Variants in KLHL1 observed in about 807,000 individuals in gnomAD.
KLHL1 encodes the protein kelch like family member 1.
A neutral mutation model predicts 77.7 loss-of-function variants in KLHL1; 47 were observed. The ratio of observed to expected loss-of-function variants is 0.60; its 90% CI spans 0.48 to 0.77. The LOEUF is 0.77. KLHL1 is among the 30% of genes least tolerant of loss of function. The pLI, the probability that KLHL1 is intolerant of heterozygous loss-of-function variation, is 0.00. For synonymous variants in KLHL1, 360 were observed against 325.2 expected, an observed-to-expected ratio of 1.11 and a Z score of -1.15; for missense variants, 925 against 910.8, an observed-to-expected ratio of 1.02 and a Z score of -0.20.
chr13:69,733,053 G>GT (rs1485260731), intron 8 of KLHL1, among the ~76,000 whole-genome samples: 1 of 151,984 alleles, frequency 6.6e-6, no homozygotes, highest in Non-Finnish European at 1.5e-5. Flanking sequence ...TGGTTAACTA[G>GT]TAAGTTTTTT....
intron 7 of KLHL1, among the ~76,000 whole-genome samples, chr13:69,749,943 A>T (rs1057424209): frequency 6.6e-6 from 1 of 151,986 alleles, no homozygotes; most frequent in East Asian, 1.9e-4. Flanking sequence ...AATAATAACA[A>T]TGAAAAGCTA....
intron 1 of KLHL1, among the ~76,000 whole-genome samples, chr13:69,983,606 GAA>G (rs57184525): frequency 2.0e-5 from 2 of 99,044 alleles, no homozygotes; most frequent in Admixed American, 1.0e-4. Context: ...AAGAAGAAGA[GAA>G]AAAAAAAAAA....
At chr13:70,037,344 T>C (rs527434896) in intron 1 of KLHL1, among the ~76,000 whole-genome samples, 30 of 152,212 alleles carry the variant, frequency 2.0e-4, no homozygotes, top group African/African-American at 7.0e-4. Flanking sequence ...TATAAGCACG[T>C]TGAACATATA....
intron 5 of KLHL1, among the ~76,000 whole-genome samples, chr13:69,841,820 G>A (rs1170791192): frequency 4.0e-5 from 6 of 151,610 alleles, no homozygotes; most frequent in South Asian, 2.1e-4. Context: ...CAAGCAGCAC[G>A]GTATTTCTCT....
At chr13:69,872,068 T>C (rs1303973765) in intron 5 of KLHL1, among the ~76,000 whole-genome samples, 2 of 152,166 alleles carry the variant, frequency 1.3e-5, no homozygotes, top group Admixed American at 6.6e-5. Context: ...TGAGGCTAGA[T>C]AATTTATAAT....
At chr13:69,814,925 T>G (rs1171403507) in intron 6 of KLHL1, among the ~76,000 whole-genome samples, 1 of 151,836 alleles carries the variant, frequency 6.6e-6, no homozygotes, top group Non-Finnish European at 1.5e-5. Context: ...GCAGGAGAAT[T>G]GCTTGAACCC....
chr13:70,075,375 G>A (rs1302236253), intron 1 of KLHL1, among the ~76,000 whole-genome samples: 2 of 149,436 alleles, frequency 1.3e-5, no homozygotes, highest in African/African-American at 4.9e-5. Flanking sequence ...TGAAAAGGAA[G>A]CAATAAATCT....
intron 1 of KLHL1, among the ~76,000 whole-genome samples, chr13:70,005,315 A>G (rs925365005): frequency 5.9e-5 from 9 of 152,064 alleles, no homozygotes; most frequent in Non-Finnish European, 8.8e-5. Flanking sequence ...TAAGATTAAT[A>G]TATCCCTGCT....
chr13:69,812,563 CA>C (rs1266036698), intron 6 of KLHL1, among the ~76,000 whole-genome samples: 1 of 151,954 alleles, frequency 6.6e-6, no homozygotes, highest in Non-Finnish European at 1.5e-5. Context: ...AAAATGTTTG[CA>C]ATCTACTCAT....
intron 1 of KLHL1, among the ~76,000 whole-genome samples, chr13:70,001,947 A>G (rs1308327880): frequency 1.3e-5 from 2 of 151,646 alleles, no homozygotes; most frequent in East Asian, 1.9e-4. Context: ...CTGGCATTCT[A>G]CTGAGACCAG....
intron 2 of KLHL1, among the ~76,000 whole-genome samples, chr13:69,972,040 C>T (rs1185659403): frequency 6.6e-6 from 1 of 151,862 alleles, no homozygotes; most frequent in African/African-American, 2.4e-5. Flanking sequence ...AACTATCAAA[C>T]TGAGTGAGAG....
At chr13:70,047,889 C>G (rs942929205) in intron 1 of KLHL1, among the ~76,000 whole-genome samples, 4 of 152,130 alleles carry the variant, frequency 2.6e-5, no homozygotes, top group African/African-American at 9.7e-5. Context: ...AGTCTTGGTG[C>G]TTTTAGGTGC....
chr13:70,012,898 G>GTA (rs1369262784), intron 1 of KLHL1, among the ~76,000 whole-genome samples: 5 of 99,386 alleles, frequency 5.0e-5, no homozygotes, highest in South Asian at 6.7e-4. Flanking sequence ...GCAAGATTCT[G>GTA]TATAAAAAAA....
intron 5 of KLHL1, among the ~76,000 whole-genome samples, chr13:69,840,380 T>A (rs1041026102): frequency 2.0e-5 from 3 of 151,816 alleles, no homozygotes; most frequent in Admixed American, 6.6e-5. Context: ...TGCACCACCA[T>A]GCCCAACTTA....
At chr13:70,079,713 A>G (rs544155694) in intron 1 of KLHL1, among the ~76,000 whole-genome samples, 1 of 152,264 alleles carries the variant, frequency 6.6e-6, no homozygotes, top group African/African-American at 2.4e-5. Flanking sequence ...AGTCTTTAAA[A>G]CAACCCAGTG....
chr13:69,781,237 G>C (rs959533643), intron 7 of KLHL1, among the ~76,000 whole-genome samples: 16 of 148,834 alleles, frequency 1.1e-4, no homozygotes, highest in African/African-American at 4.0e-4. Context: ...GGAGGTCTTT[G>C]AATCCTAACA....
At chr13:69,857,569 G>A (rs1257079717) in intron 5 of KLHL1, among the ~76,000 whole-genome samples, 1 of 151,990 alleles carries the variant, frequency 6.6e-6, no homozygotes, top group African/African-American at 2.4e-5. Flanking sequence ...TCCCTAGAAT[G>A]TATCCCTATA....
In KLHL1 at chr13:69,993,989, T is replaced by A. The variant is rs144332338; in HGVS notation, c.498-18187A>T. 3.5e-3 allele frequency among the ~76,000 whole-genome samples: 525 copies of A among 152,138 alleles called. 5 individuals are homozygous for A. Among genetic ancestry groups the A allele is most frequent in the African/African-American group, 0.012 (499 of 41,528 alleles). On this transcript the variant is annotated intron_variant, in intron 1 of 10. Coordinates refer to ENST00000377844, the MANE Select transcript of KLHL1 (RefSeq NM_020866.3). ...AGATTTGGGTCATTAACTAGATGTT[T>A]AAAAAATGCTTTAGCAACAATGGAA... is the stretch of plus-strand genomic sequence containing the variant.
At chr13:69,813,674 C>A (rs1408320400) in intron 6 of KLHL1, among the ~76,000 whole-genome samples, 3 of 151,904 alleles carry the variant, frequency 2.0e-5, no homozygotes, top group Non-Finnish European at 4.4e-5. Flanking sequence ...AATAAAATAC[C>A]TGGGAATAAA....
Sources: allele counts gnomAD v4.1 joint callset (sites outside exome capture counted in the v4.1 genomes callset), GRCh38; gene constraint gnomAD v4.1.1; transcripts MANE v1.5; gene names NCBI Gene and HGNC (gene_info 2026-07-23, HGNC 2026-07-21).